The following VPS39 variants were observed in gnomAD, a reference collection of about 807,000 sequenced individuals.
The protein encoded by VPS39 is VPS39 subunit of HOPS complex, also known as vam6/Vps39-like protein.
Under a neutral mutation model 121.0 loss-of-function variants are expected in VPS39, and 70 were observed. The observed-to-expected ratio is 0.58, with a 90% confidence interval of 0.48 to 0.71. The LOEUF (loss-of-function observed/expected upper bound fraction) is 0.71. Among genes scored for constraint, VPS39 ranks in the 30% least tolerant of loss-of-function variants. The pLI, the probability that VPS39 is intolerant of heterozygous loss-of-function variation, is 0.00. For missense variants in VPS39, 818 were observed against 1,051.5 expected (o/e 0.78, Z 3.07); for synonymous variants, 378 against 398.1 (o/e 0.95, Z 0.60).
intron 2 of VPS39, among the ~76,000 whole-genome samples, chr15:42,196,668 G>A (rs929772765): frequency 1.1e-3 from 168 of 152,256 alleles, no homozygotes; most frequent in African/African-American, 3.8e-3. Context: ...AAAAAGTCAG[G>A]AAACAACAGG....
Position 42,189,006 on chromosome 15 carries a change from T to C in VPS39, c.342+108A>G, listed in dbSNP as rs2049764718. The C allele has an allele frequency of 3.8e-6, 3 of 794,784 alleles. No homozygotes were observed. The South Asian group carries it at 4.4e-5, about 12-fold the overall frequency. The allele number at this position is 794,784 out of a possible 1,614,324, so 49.2% of individuals were successfully genotyped here. Reference sequence around the variant, plus strand: ...AAATAAATAATCTTTGGAGTCTCTGTTGGGTATGGATCATCAGTGTCATTC... The same window carrying C: ...AAATAAATAATCTTTGGAGTCTCTGCTGGGTATGGATCATCAGTGTCATTC... On this transcript the variant is annotated intron_variant, in intron 5 of 24. Transcript: ENST00000318006.
chr15:42,204,407 T>C (rs1362364600), intron 1 of VPS39, among the ~76,000 whole-genome samples: 2 of 152,228 alleles, frequency 1.3e-5, no homozygotes, highest in East Asian at 3.9e-4. Context: ...CCCAGCACTT[T>C]GGGAGGCCGA....
chr15:42,178,711 G>A, intron 8 of VPS39, 141 bp from the exon 9 acceptor site: 1 of 1,220,700 alleles, frequency 8.2e-7, no homozygotes, highest in Non-Finnish European at 1.1e-6. Context: ...ATCTTACACT[G>A]TGATTCAGAA....
At chr15:42,166,961 C>T (rs747215237) in intron 13 of VPS39, 48 bp from the exon 14 acceptor site, 1 of 1,610,486 alleles carries the variant, frequency 6.2e-7, no homozygotes, top group Non-Finnish European at 8.5e-7. Flanking sequence ...TGGGGAGCCC[C>T]ACCCTTCCCT....
At chr15:42,165,256 G>T in intron 17 of VPS39, 143 bp from the exon 18 acceptor site, 1 of 722,072 alleles carries the variant, frequency 1.4e-6, no homozygotes, top group Non-Finnish European at 2.3e-6. Flanking sequence ...GAGACAGCTC[G>T]TCTAAAGCCA....
At chr15:42,189,057 T>C (rs1225605303) in intron 5 of VPS39, 57 bp downstream of exon 5, 3 of 1,237,632 alleles carry the variant, frequency 2.4e-6, no homozygotes, top group Non-Finnish European at 3.6e-6. Context: ...AGGAATGATG[T>C]AGGAAAGACT....
At chr15:42,162,229 C>G in intron 22 of VPS39, 63 bp from the exon 23 acceptor site, 1 of 1,609,062 alleles carries the variant, frequency 6.2e-7, no homozygotes, top group South Asian at 1.1e-5. Context: ...GAAGAAATGT[C>G]TGCAGCCGTG....
chr15:42,171,448 G>C (rs1310806529), intron 11 of VPS39, among the ~76,000 whole-genome samples: 1 of 152,160 alleles, frequency 6.6e-6, no homozygotes, highest in Non-Finnish European at 1.5e-5. Flanking sequence ...TGGGAACTGA[G>C]GATACTACAG....
chr15:42,171,617 C>A (rs556278638), intron 11 of VPS39, among the ~76,000 whole-genome samples: 1 of 152,344 alleles, frequency 6.6e-6, no homozygotes, highest in East Asian at 1.9e-4. Context: ...CAATATTTAT[C>A]CTTTTAACCA....
At chr15:42,163,316 C>T in intron 21 of VPS39, 34 bp downstream of exon 21, 1 of 1,613,876 alleles carries the variant, frequency 6.2e-7, no homozygotes, top group East Asian at 2.2e-5. Context: ...GAGAGGTATG[C>T]ACACGTGCTC....
chr15:42,191,517 G>A lies in VPS39; in HGVS notation c.183C>T (p.Asn61=), dbSNP rs147563027. Residue 61 remains asparagine (N), a synonymous_variant, in exon 3 of 25, where the codon AAC becomes AAT. Transcript: ENST00000318006. ...FEVTLEKSNK[N]FSKKIQQIHV... ...TTACCTGCTGAATCTTTTTGGAGAAGTTCTTATTGGATTTCTCTAGTGTCA... is the reference window on the plus strand; with the variant it reads ...TTACCTGCTGAATCTTTTTGGAGAAATTCTTATTGGATTTCTCTAGTGTCA... 8.7e-5 allele frequency: 141 copies of A among 1,613,906 alleles called. No individual in the cohort carries two copies. Among genetic ancestry groups the A allele is most frequent in the Admixed American group, 4.0e-4 (24 of 59,978 alleles).
At chr15:42,160,914 C>T in intron 24 of VPS39, 85 bp from the exon 25 acceptor site, 1 of 1,407,228 alleles carries the variant, frequency 7.1e-7, no homozygotes, top group Non-Finnish European at 1.0e-6. Context: ...AGAAGAGGCA[C>T]ATTGCTGGGG....
intron 2 of VPS39, among the ~76,000 whole-genome samples, chr15:42,192,906 A>C (rs559387649): frequency 2.6e-4 from 40 of 152,046 alleles, no homozygotes; most frequent in African/African-American, 8.9e-4. Context: ...CAGCCTCTGG[A>C]GTAGCTGGGA....
Position 42,178,355 on chromosome 15 carries a change from G to A in VPS39, c.840-17C>T. On this transcript the variant is annotated splice_polypyrimidine_tract_variant and intron_variant, in intron 9 of 24. Transcript: ENST00000318006. ...ATGTTTGATCTGGAAGCAAGAGTAA[G>A]AATATTAGCAAAAGATCACAGGCTT... The A allele has an allele frequency of 6.2e-7, 1 of 1,614,112 alleles. No homozygotes were observed. Among genetic ancestry groups the A allele is most frequent in the Non-Finnish European group, 8.5e-7 (1 of 1,179,996 alleles).
intron 5 of VPS39, 26 bp from the exon 6 acceptor site, chr15:42,187,882 G>T: frequency 6.3e-7 from 1 of 1,594,120 alleles, no homozygotes. Flanking sequence ...CAGAGCAAAT[G>T]AAAATACAAT....
intron 8 of VPS39, among the ~76,000 whole-genome samples, chr15:42,182,846 T>A (rs2049611208): frequency 6.6e-6 from 1 of 152,192 alleles, no homozygotes; most frequent in Non-Finnish European, 1.5e-5. Flanking sequence ...AGACAGGAAC[T>A]CTCATCCTGG....
intron 2 of VPS39, among the ~76,000 whole-genome samples, chr15:42,193,227 T>A (rs1300157424): frequency 6.6e-6 from 1 of 152,208 alleles, no homozygotes; most frequent in Non-Finnish European, 1.5e-5. Flanking sequence ...GAAATTTAAA[T>A]ACATACATTT....
intron 14 of VPS39, 29 bp downstream of exon 14, chr15:42,166,743 C>T: frequency 6.2e-7 from 1 of 1,613,438 alleles, no homozygotes; most frequent in Middle Eastern, 1.7e-4. Context: ...ACAAGAGCCC[C>T]TCCCAGATCC....
At chr15:42,161,795 G>C in intron 23 of VPS39, 22 bp from the exon 24 acceptor site, 1 of 1,613,500 alleles carries the variant, frequency 6.2e-7, no homozygotes, top group Non-Finnish European at 8.5e-7. Context: ...GGGGGATTGA[G>C]GAAGAAGTTC....
Sources: gnomAD v4.1 joint callset for allele counts (sites outside exome capture counted in the v4.1 genomes callset) on GRCh38, gnomAD v4.1.1 for gene constraint, MANE v1.5 for transcripts, NCBI Gene and HGNC (gene_info 2026-07-23, HGNC 2026-07-21) for gene names.